The following SRPK2 variants were observed in gnomAD, a reference collection of about 807,000 sequenced individuals.
SRPK2 encodes SRSF protein kinase 2, also known as SFRS protein kinase 2.
SRPK2 carries 21 observed loss-of-function variants against 90.8 expected under a neutral mutation model. The ratio of observed to expected loss-of-function variants is 0.23; its 90% CI spans 0.16 to 0.33. The LOEUF (loss-of-function observed/expected upper bound fraction) is 0.33, where lower values mean the gene tolerates loss of function less well. Ranked by LOEUF, SRPK2 falls within the 10% of genes least tolerant of loss-of-function variation. The pLI is 1.00. For missense variants in SRPK2, 620 were observed against 869.0 expected (o/e 0.71, Z 3.60); for synonymous variants, 288 against 311.1 (o/e 0.93, Z 0.78).
intron 2 of SRPK2, among the ~76,000 whole-genome samples, chr7:105,296,425 G>C (rs1055083420): frequency 1.3e-5 from 2 of 152,040 alleles, no homozygotes; most frequent in East Asian, 3.9e-4. Context: ...TTGAGCCTCT[G>C]AACACAAAAG....
At chr7:105,328,561 C>CAA (rs1192103331) in intron 2 of SRPK2, among the ~76,000 whole-genome samples, 6,975 of 47,018 alleles carry the variant, frequency 0.15, 870 homozygotes, top group Non-Finnish European at 0.19. Flanking sequence ...GGCTCTGTCT[C>CAA]AAAAAAAAAA....
At chr7:105,124,640 T>A (rs1432833567) in intron 15 of SRPK2, among the ~76,000 whole-genome samples, 17 of 52,928 alleles carry the variant, frequency 3.2e-4, no homozygotes, top group Admixed American at 4.5e-4. Flanking sequence ...AAACTCCATC[T>A]AAAAAAAAAA....
chr7:105,385,276 G>A (rs1169256874), intron 2 of SRPK2, among the ~76,000 whole-genome samples: 1 of 146,048 alleles, frequency 6.8e-6, no homozygotes, highest in Non-Finnish European at 1.5e-5. Flanking sequence ...CGCCTTCCAG[G>A]TTCACGCCAT....
intron 2 of SRPK2, among the ~76,000 whole-genome samples, chr7:105,364,485 C>T (rs1278430009): frequency 6.6e-6 from 1 of 150,890 alleles, no homozygotes; most frequent in Non-Finnish European, 1.5e-5. Context: ...ACTGCAACCG[C>T]CACCTCCCAG....
At chr7:105,388,967 C>T, upstream of SRPK2, 6 of 1,115,834 alleles carry the variant, frequency 5.4e-6, no homozygotes, top group Non-Finnish European at 6.6e-6. Flanking sequence ...CAGCAAGACC[C>T]GCCCCCGTCC....
chr7:105,327,367 T>C (rs966343249), intron 2 of SRPK2, among the ~76,000 whole-genome samples: 2 of 152,230 alleles, frequency 1.3e-5, no homozygotes, highest in African/African-American at 2.4e-5. Context: ...CACACTACAA[T>C]GGCAGAGTTA....
At chr7:105,180,287 C>T (rs1292037821) in intron 3 of SRPK2, among the ~76,000 whole-genome samples, 1 of 152,146 alleles carries the variant, frequency 6.6e-6, no homozygotes, top group Non-Finnish European at 1.5e-5. Flanking sequence ...CTACAACCAG[C>T]TGATCTTTGA....
intron 2 of SRPK2, among the ~76,000 whole-genome samples, chr7:105,344,406 C>CTTTTTTTTTTTTTTT (rs1563264048): frequency 1.6e-5 from 2 of 128,612 alleles, no homozygotes; most frequent in African/African-American, 2.8e-5. Flanking sequence ...TGCAGCCACA[C>CTTTTTTTTTTTTTTT]CTTTTTTTTT....
chr7:105,149,276 G>A (rs1170012062), intron 7 of SRPK2, among the ~76,000 whole-genome samples: 1 of 152,194 alleles, frequency 6.6e-6, no homozygotes, highest in Non-Finnish European at 1.5e-5. Context: ...TTGCAGTAAT[G>A]CTGCCTTGTT....
chr7:105,185,356 T>G (rs1269951282), intron 3 of SRPK2, among the ~76,000 whole-genome samples: 1 of 152,024 alleles, frequency 6.6e-6, no homozygotes, highest in Non-Finnish European at 1.5e-5. Flanking sequence ...TCTGGCTGTT[T>G]AAAACTAAAA....
Position 105,200,450 on chromosome 7 carries a change from T to TAAAAC in SRPK2, c.229+3173_229+3177dup, listed in dbSNP as rs368474235. 1.7e-3 allele frequency among the ~76,000 whole-genome samples: 263 copies of TAAAAC among 152,128 alleles called. 2 individuals are homozygous for TAAAAC. The highest frequency in any genetic ancestry group is 6.1e-3 in the African/African-American group (253 of 41,506). ...GAGTAAGTGATCATAACCCACTGAA[T>TAAAAC]AAAACAGAGATCCATGAATTTATCA... On this transcript the variant is annotated intron_variant, in intron 3 of 15. Coordinates refer to ENST00000393651, the MANE Select transcript of SRPK2 (RefSeq NM_182692.3).
At chr7:105,357,345 C>G (rs574524451) in intron 2 of SRPK2, among the ~76,000 whole-genome samples, 1 of 152,280 alleles carries the variant, frequency 6.6e-6, no homozygotes, top group Admixed American at 6.5e-5. Flanking sequence ...AGCCAAATAA[C>G]ACTAATTTTT....
intron 2 of SRPK2, among the ~76,000 whole-genome samples, chr7:105,333,426 G>A (rs969978941): frequency 2.7e-4 from 41 of 152,166 alleles, no homozygotes; most frequent in East Asian, 1.9e-4. Context: ...TTTAATTAAC[G>A]TTTAGTAATC....
chr7:105,279,718 G>A (rs1458647932), intron 2 of SRPK2, among the ~76,000 whole-genome samples: 1 of 152,172 alleles, frequency 6.6e-6, no homozygotes, highest in African/African-American at 2.4e-5. Flanking sequence ...ATGAAATGTG[G>A]TGAAACCAAT....
intron 3 of SRPK2, among the ~76,000 whole-genome samples, chr7:105,173,206 ACTC>A (rs1210740497): frequency 1.3e-5 from 2 of 151,962 alleles, no homozygotes; most frequent in Admixed American, 1.3e-4. Context: ...ACATCCTTGA[ACTC>A]CTGGGTTCAA....
chr7:105,170,785 G>GGAAGGA (rs1563024392), intron 3 of SRPK2, among the ~76,000 whole-genome samples: 1 of 49,058 alleles, frequency 2.0e-5, no homozygotes. Flanking sequence ...GGAAGGACGG[G>GGAAGGA]AGGGAGGGAG....
intron 2 of SRPK2, among the ~76,000 whole-genome samples, chr7:105,287,272 AAAAAAAAAAAAAG>A (rs1339042828): frequency 0.014 from 1,889 of 137,658 alleles, 34 homozygotes; most frequent in African/African-American, 0.034. Flanking sequence ...AAAAAAAAAA[AAAAAAAAAAAAAG>A]AAGAAAAGGA....
chr7:105,380,947 TAAAAAAAAAAAAAA>T (rs869039181), intron 2 of SRPK2, among the ~76,000 whole-genome samples: 2 of 104,144 alleles, frequency 1.9e-5, no homozygotes, highest in Non-Finnish European at 3.8e-5. Context: ...TTTATTACTT[TAAAAAAAAAAAAAA>T]AAAAAAAAAA....
chr7:105,286,558 T>A (rs1429916784), intron 2 of SRPK2, among the ~76,000 whole-genome samples: 1 of 152,176 alleles, frequency 6.6e-6, no homozygotes. Context: ...TTACTCTTCA[T>A]GCTAAAGGAC....
Sources: gnomAD v4.1 joint callset for allele counts (sites outside exome capture counted in the v4.1 genomes callset) on GRCh38, gnomAD v4.1.1 for gene constraint, MANE v1.5 for transcripts, NCBI Gene and HGNC (gene_info 2026-07-23, HGNC 2026-07-21) for gene names.